ERICH6B: variants seen among roughly 807,000 people sequenced by gnomAD.
ERICH6B encodes glutamate-rich protein 6B.
Under a neutral mutation model 80.0 loss-of-function variants are expected in ERICH6B, and 69 were observed. The observed-to-expected ratio is 0.86, with a 90% CI of 0.71 to 1.05. The LOEUF (loss-of-function observed/expected upper bound fraction) is 1.05. Among genes scored for constraint, ERICH6B ranks in the 50% least tolerant of loss-of-function variants. The pLI is 0.00. For missense variants in ERICH6B, 754 were observed against 796.1 expected (o/e 0.95, Z 0.64); for synonymous variants, 283 against 291.9 (o/e 0.97, Z 0.31).
chr13:45,587,342 T>C, intron 4 of ERICH6B, 110 bp from the exon 5 acceptor site: 1 of 871,778 alleles, frequency 1.1e-6, no homozygotes, highest in Non-Finnish European at 1.8e-6. Flanking sequence ...CAGACCCAGA[T>C]GATGGACATC....
intron 7 of ERICH6B, among the ~76,000 whole-genome samples, chr13:45,579,445 A>G (rs768785378): frequency 1.3e-5 from 2 of 152,110 alleles, no homozygotes; most frequent in Admixed American, 6.5e-5. Context: ...ACAAGTTGGG[A>G]TTCTGCTGCT....
intron 5 of ERICH6B, among the ~76,000 whole-genome samples, chr13:45,583,703 C>T (rs1053771260): frequency 6.6e-6 from 1 of 152,128 alleles, no homozygotes; most frequent in African/African-American, 2.4e-5. Flanking sequence ...GTCTCATGGA[C>T]CTGATGGTTT....
At chr13:45,571,871 GA>G (rs1210641679) in intron 8 of ERICH6B, among the ~76,000 whole-genome samples, 1 of 152,144 alleles carries the variant, frequency 6.6e-6, no homozygotes, top group Non-Finnish European at 1.5e-5. Flanking sequence ...GCAAGTCATG[GA>G]GAGATACCTG....
At position 45,586,936 on chromosome 13, in the gene ERICH6B, A is replaced by C. The variant is rs567475384; in HGVS notation, c.856+127T>G. 1.1e-5 allele frequency: 12 copies of C among 1,054,270 alleles called. No individual in the cohort carries two copies. The Admixed American group carries it at 3.2e-4, about 28-fold the overall frequency. The allele number at this position is 1,054,270 out of a possible 1,614,324, so 65.3% of individuals were successfully genotyped here. ...AAAATGAGACCTCAGAGGGCAACAG[A>C]AACAGTAGGATATCATTAGCATGAA... is the stretch of plus-strand genomic sequence containing the variant. On this transcript the variant is annotated intron_variant, in intron 5 of 14. Transcript: ENST00000298738.
intron 7 of ERICH6B, among the ~76,000 whole-genome samples, chr13:45,579,543 G>A (rs959274340): frequency 6.6e-6 from 1 of 152,134 alleles, no homozygotes; most frequent in Non-Finnish European, 1.5e-5. Flanking sequence ...TGCACCATTT[G>A]TAGGGGCTCC....
In ERICH6B at chr13:45,549,819, C is replaced by T. The variant is rs75093154; in HGVS notation, c.1646+74G>A. 1.5e-3 allele frequency: 2,139 copies of T among 1,450,302 alleles called. 23 individuals are homozygous for T. In the African/African-American group the frequency reaches 0.026, roughly 18 times the overall value. 89.8% of individuals were successfully genotyped at this position (1,450,302 alleles called of 1,614,324 possible). On this transcript the variant is annotated intron_variant, in intron 13 of 14. Transcript: ENST00000298738. Reference sequence around the variant, plus strand: ...CTCTGAGACAGGGAGGAAGTTCATACAGTCTGGGAGTCACGCTTTTTCCAG... The same window carrying T: ...CTCTGAGACAGGGAGGAAGTTCATATAGTCTGGGAGTCACGCTTTTTCCAG...
Position 45,549,974 on chromosome 13 carries a change from T to C in ERICH6B, c.1565A>G (p.Glu522Gly). ...KMKKFTYIIL[E>G]DSLEGRIRAL... is the part of the protein sequence containing the mutation. ...CCGGATCCTCCCTTCTAGACTGTCT[T>C]CCAGAATGATGTATGTGAACTTTTT... The change falls in exon 13 of 15, where the codon GAA becomes GGA. Residue 522 changes from glutamate (E) to glycine (G), a missense_variant. Coordinates refer to ENST00000298738, the MANE Select transcript of ERICH6B (RefSeq NM_182542.3). 2 of 1,551,808 alleles carry C rather than the reference T, an allele frequency of 1.3e-6. No individual in the cohort carries two copies.
At chr13:45,605,276 C>G (rs1949851165) in intron 2 of ERICH6B, among the ~76,000 whole-genome samples, 2 of 152,252 alleles carry the variant, frequency 1.3e-5, no homozygotes, top group Admixed American at 1.3e-4. Flanking sequence ...TGCCCAGCAT[C>G]AATATCACAT....
chr13:45,573,136 G>A (rs187598255), intron 8 of ERICH6B, among the ~76,000 whole-genome samples: 35 of 152,064 alleles, frequency 2.3e-4, no homozygotes, highest in African/African-American at 8.2e-4. Context: ...AATAATATAT[G>A]TACCATTCAT....
At chr13:45,579,860 T>C in intron 7 of ERICH6B, 73 bp downstream of exon 7, 1 of 1,459,226 alleles carries the variant, frequency 6.9e-7, no homozygotes, top group Non-Finnish European at 9.4e-7. Context: ...AGCCACCTGC[T>C]AGGGGCACCT....
chr13:45,565,287 A>G (rs1874864847), intron 9 of ERICH6B, among the ~76,000 whole-genome samples: 1 of 152,132 alleles, frequency 6.6e-6, no homozygotes, highest in Admixed American at 6.5e-5. Flanking sequence ...GAACTTGCCC[A>G]CGTGATTAGG....
Position 45,568,164 on chromosome 13 carries a change from G to C in ERICH6B, c.1187+151C>G, listed in dbSNP as rs965019403. 16 of 811,622 alleles carry C rather than the reference G, an allele frequency of 2.0e-5. No individual in the cohort carries two copies. The African/African-American group carries it at 2.7e-4, about 14-fold the overall frequency. The allele number at this position is 811,622 out of a possible 1,614,324, so 50.3% of individuals were successfully genotyped here. On this transcript the variant is annotated intron_variant, in intron 9 of 14. Transcript: ENST00000298738. The stretch of plus-strand genomic sequence containing the variant: ...GACCCCTGGATCTCACCCTTTCCCT[G>C]TGCTTGGCCTGTTCCTGCTCCTTGA...
intron 11 of ERICH6B, among the ~76,000 whole-genome samples, chr13:45,559,089 T>G (rs181112364): frequency 4.9e-4 from 75 of 152,328 alleles, no homozygotes; most frequent in Non-Finnish European, 9.4e-4. Flanking sequence ...CTGCTTGTTA[T>G]TGGTCTGTTC....
At chr13:45,579,824 C>A (rs561021465) in intron 7 of ERICH6B, 109 bp downstream of exon 7, 1 of 1,089,708 alleles carries the variant, frequency 9.2e-7, no homozygotes, top group African/African-American at 1.6e-5. Context: ...CCCTCTGGGC[C>A]CTGGGTCATG....
At chr13:45,557,611 G>A (rs1409042844) in intron 11 of ERICH6B, among the ~76,000 whole-genome samples, 1 of 152,178 alleles carries the variant, frequency 6.6e-6, no homozygotes, top group African/African-American at 2.4e-5. Flanking sequence ...TTCTGTATAA[G>A]GTGAGAGATG....
In ERICH6B at chr13:45,587,174, C is replaced by T. The variant is rs1233632586; in HGVS notation, c.745G>A (p.Ala249Thr). The T allele has an allele frequency of 4.5e-6, 7 of 1,551,444 alleles. No homozygotes were observed. Among genetic ancestry groups the T allele is most frequent in the East Asian group, 2.4e-5 (1 of 40,928 alleles). Reference sequence around the variant, plus strand: ...GATTCAGAGACAGGAGAAGGGGTAGCGAAAGTCAACGGGACAGTCAAGAAG... The same window carrying T: ...GATTCAGAGACAGGAGAAGGGGTAGTGAAAGTCAACGGGACAGTCAAGAAG... Reference protein sequence around the residue: ...TTFLTVPLTFATPSPVSESAT... With the variant: ...TTFLTVPLTFTTPSPVSESAT... Residue 249 changes from alanine (A) to threonine (T), a missense_variant, in exon 5 of 15, where the codon GCT (alanine) becomes ACT (threonine). By Grantham distance (58) the Ala-to-Thr change is moderately conservative. Transcript: ENST00000298738.
chr13:45,568,499 AT>A, intron 8 of ERICH6B, 48 bp from the exon 9 acceptor site: 1 of 1,437,130 alleles, frequency 7.0e-7, no homozygotes, highest in Non-Finnish European at 9.2e-7. Flanking sequence ...GAAATTAATG[AT>A]TTGTTAGTTA....
intron 11 of ERICH6B, among the ~76,000 whole-genome samples, chr13:45,552,260 G>C (rs1462916258): frequency 1.3e-5 from 2 of 152,092 alleles, no homozygotes; most frequent in African/African-American, 2.4e-5. Context: ...AATTATAATA[G>C]ATGTTTTGCA....
chr13:45,612,416 G>T (rs571545729), intron 1 of ERICH6B, among the ~76,000 whole-genome samples: 6 of 152,340 alleles, frequency 3.9e-5, no homozygotes, highest in African/African-American at 1.4e-4. Context: ...ATTATGTAAT[G>T]AATGAGAAAA....
Sources: gnomAD v4.1 joint callset for allele counts (sites outside exome capture counted in the v4.1 genomes callset) on GRCh38, gnomAD v4.1.1 for gene constraint, MANE v1.5 for transcripts, NCBI Gene and HGNC (gene_info 2026-07-23, HGNC 2026-07-21) for gene names.